The following RBPJ variants were observed in gnomAD, a reference collection of about 807,000 sequenced individuals.
RBPJ encodes recombining binding protein suppressor of hairless.
A neutral mutation model predicts 67.8 loss-of-function variants in RBPJ; 9 were observed. That is an observed-to-expected ratio of 0.13 (90% CI 0.08 to 0.23). The LOEUF (loss-of-function observed/expected upper bound fraction) is 0.23, where lower values mean the gene tolerates loss of function less well. RBPJ is among the 10% of genes least tolerant of loss of function. The probability of loss-of-function intolerance (pLI) is 1.00; values close to 1 mark genes in which losing one functional copy is unlikely to be tolerated. For missense variants in RBPJ, 305 were observed against 595.6 expected (o/e 0.51, Z 5.08); for synonymous variants, 198 against 203.3 (o/e 0.97, Z 0.22).
intron 1 of RBPJ, among the ~76,000 whole-genome samples, chr4:26,331,764 G>A (rs1724290899): frequency 6.6e-6 from 1 of 152,144 alleles, no homozygotes; most frequent in African/African-American, 2.4e-5. Context: ...GTTACCTCTG[G>A]CTTACTCCAG....
At chr4:26,109,477 T>TACACAC in the RBPJ span, among the ~76,000 whole-genome samples, 18 of 53,006 alleles carry the variant, frequency 3.4e-4, 3 homozygotes, top group African/African-American at 1.7e-3. Flanking sequence ...TATATATATA[T>TACACAC]ATATATATAT....
intron 1 of RBPJ, among the ~76,000 whole-genome samples, chr4:26,202,765 TG>T (rs1430617100): frequency 1.3e-5 from 2 of 151,818 alleles, no homozygotes; most frequent in Non-Finnish European, 2.9e-5. Flanking sequence ...AAAAACTAGC[TG>T]GGCATGGTGA....
chr4:26,394,398 C>T (rs1223961391), intron 2 of RBPJ, among the ~76,000 whole-genome samples: 1 of 150,926 alleles, frequency 6.6e-6, no homozygotes, highest in East Asian at 1.9e-4. Context: ...AGAGTGTTGG[C>T]TTTTAAGGAC....
chr4:26,120,714 C>CTTTTTTTTTTTTT, the RBPJ span, among the ~76,000 whole-genome samples: 1 of 83,014 alleles, frequency 1.2e-5, no homozygotes, highest in Non-Finnish European at 2.1e-5. Context: ...ATTTTCTCAA[C>CTTTTTTTTTTTTT]TTTTTTTTTT....
At chr4:26,362,594 A>T in intron 1 of RBPJ, 1 of 1,613,976 alleles carries the variant, frequency 6.2e-7, no homozygotes, top group Non-Finnish European at 8.5e-7. Flanking sequence ...ACTTACCTTA[A>T]CATGTTCTTG....
At chr4:26,361,048 A>AGTGTGTGTGTGTGTGT (rs771047801) in intron 1 of RBPJ, among the ~76,000 whole-genome samples, 85 of 147,456 alleles carry the variant, frequency 5.8e-4, no homozygotes, top group Middle Eastern at 3.4e-3. Flanking sequence ...TTCAGGAGTG[A>AGTGTGTGTGTGTGTGT]GTGTGTGTGC....
At chr4:26,195,588 TTTTTTGTTTTGG>T (rs1295372544) in intron 1 of RBPJ, among the ~76,000 whole-genome samples, 5 of 152,174 alleles carry the variant, frequency 3.3e-5, no homozygotes, top group Admixed American at 1.3e-4. Context: ...GAGTATGTTT[TTTTTTGTTTTGG>T]TTTTTGTTTT....
chr4:26,322,017 G>A (rs1560264310), intron 1 of RBPJ: 1 of 150,986 alleles, frequency 6.6e-6, no homozygotes, highest in Non-Finnish European at 1.5e-5. Flanking sequence ...TTTCATCGCC[G>A]TCTTTTTAGT....
In RBPJ at chr4:26,206,752, A is replaced by C. The variant is rs1459350719; in HGVS notation, c.-167+43138A>C. On this transcript the variant is annotated intron_variant, in intron 1 of 4. Coordinates refer to the RBPJ transcript ENST00000512351. ...AAAAACGAAAGGCTTTCATACCCTC[A>C]AAAAAAAAAAAAAAAAAATCCTGGC... 1.1e-3 allele frequency among the ~76,000 whole-genome samples: 12 copies of C among 11,102 alleles called. No individual in the cohort carries two copies. The South Asian group carries it at 0.031, about 29-fold the overall frequency. The allele number at this position is 11,102 out of a possible 152,430, so 7.3% of individuals were successfully genotyped here.
chr4:26,236,950 A>C (rs776678775), intron 1 of RBPJ, among the ~76,000 whole-genome samples: 1 of 152,214 alleles, frequency 6.6e-6, no homozygotes, highest in Non-Finnish European at 1.5e-5. Context: ...GGATTTTAAC[A>C]ACAGACTCCC....
At chr4:26,228,955 G>A (rs933295201) in intron 1 of RBPJ, among the ~76,000 whole-genome samples, 1 of 152,168 alleles carries the variant, frequency 6.6e-6, no homozygotes, top group African/African-American at 2.4e-5. Flanking sequence ...AGCTCCACAG[G>A]GGGAATCAGC....
intron 1 of RBPJ, among the ~76,000 whole-genome samples, chr4:26,260,663 T>C (rs2109249831): frequency 6.6e-6 from 1 of 152,340 alleles, no homozygotes; most frequent in South Asian, 2.1e-4. Flanking sequence ...TACCGTGCAG[T>C]TGCAGATTAT....
chr4:26,223,169 A>AG (rs1718971571), intron 1 of RBPJ, among the ~76,000 whole-genome samples: 1 of 151,834 alleles, frequency 6.6e-6, no homozygotes, highest in African/African-American at 2.4e-5. Context: ...AAAAAAAAAA[A>AG]AAGAATTATA....
At chr4:26,331,252 A>T (rs184823063) in intron 1 of RBPJ, among the ~76,000 whole-genome samples, 1 of 152,268 alleles carries the variant, frequency 6.6e-6, no homozygotes, top group South Asian at 2.1e-4. Flanking sequence ...GCACGCCACC[A>T]TGCCTAGCTG....
At chr4:26,185,298 T>C (rs1717200790) in intron 1 of RBPJ, among the ~76,000 whole-genome samples, 1 of 152,134 alleles carries the variant, frequency 6.6e-6, no homozygotes, top group Non-Finnish European at 1.5e-5. Context: ...TGCTATCTCT[T>C]TTGCCACCCT....
In RBPJ at chr4:26,430,330, A is replaced by G. The variant is rs1009120803; in HGVS notation, c.1045-89A>G. On this transcript the variant is annotated intron_variant, in intron 9 of 10. Transcript: ENST00000355476. This position sits in a 1 kb window ranked among gnomAD's most constrained non-coding sequence, Gnocchi z 4.1. ...TTTTAATTGCCCTTTTTTAAAAAAA[A>G]CAAATGAAAGTTGAATGAGAATCTA... The G allele has an allele frequency of 1.6e-5, 19 of 1,164,162 alleles. No individual in the cohort carries two copies. Among genetic ancestry groups the G allele is most frequent in the Non-Finnish European group, 2.4e-5 (19 of 793,834 alleles). 72.1% of individuals were successfully genotyped at this position (1,164,162 alleles called of 1,614,324 possible). A position where few individuals can be genotyped will look rare whatever the true frequency, so the allele number is the denominator to read the frequency against.
chr4:26,180,528 G>T (rs1357722360), intron 1 of RBPJ, among the ~76,000 whole-genome samples: 1 of 152,140 alleles, frequency 6.6e-6, no homozygotes, highest in Non-Finnish European at 1.5e-5. Context: ...TTCATAGATG[G>T]GGTCTTCTAT....
At chr4:26,113,542 A>G in the RBPJ span, 1 of 512,288 alleles carries the variant, frequency 2.0e-6, no homozygotes, top group Non-Finnish European at 3.9e-6. Flanking sequence ...AGCTCACTGA[A>G]CATCAGAGAA....
chr4:26,138,776 T>C, the RBPJ span, among the ~76,000 whole-genome samples: 1 of 152,158 alleles, frequency 6.6e-6, no homozygotes, highest in Non-Finnish European at 1.5e-5. Context: ...CATGCTCCAA[T>C]CCTGCCCCAA....
Sources: allele counts gnomAD v4.1 joint callset (sites outside exome capture counted in the v4.1 genomes callset), GRCh38; gene constraint gnomAD v4.1.1; non-coding constraint Gnocchi (gnomAD v3.1); transcripts MANE v1.5; gene names NCBI Gene and HGNC (gene_info 2026-07-23, HGNC 2026-07-21).